PRDM6: variants seen among roughly 807,000 people sequenced by gnomAD.
PRDM6 encodes PR/SET domain 6, also known as putative histone-lysine N-methyltransferase PRDM6.
A neutral mutation model predicts 60.8 loss-of-function variants in PRDM6; 25 were observed. The ratio of observed to expected loss-of-function variants is 0.41; its 90% CI spans 0.30 to 0.57. The LOEUF is 0.57. Ranked by LOEUF, PRDM6 falls within the 20% of genes least tolerant of loss-of-function variation. The pLI, the probability that PRDM6 is intolerant of heterozygous loss-of-function variation, is 0.27. For synonymous variants in PRDM6, 407 were observed against 357.4 expected, an observed-to-expected ratio of 1.14 and a Z score of -1.57; for missense variants, 839 against 821.3, an observed-to-expected ratio of 1.02 and a Z score of -0.26.
intron 5 of PRDM6, among the ~76,000 whole-genome samples, chr5:123,170,278 C>A (rs1216952770): frequency 6.6e-6 from 1 of 152,182 alleles, no homozygotes; most frequent in Non-Finnish European, 1.5e-5. Flanking sequence ...CCCTTCATCT[C>A]TTCAAATAGC....
chr5:123,154,723 A>C (rs1765453232), intron 3 of PRDM6, among the ~76,000 whole-genome samples: 1 of 152,144 alleles, frequency 6.6e-6, no homozygotes, highest in Admixed American at 6.5e-5. Context: ...TTTGAAAAGG[A>C]AAATTGGAAG....
intron 6 of PRDM6, among the ~76,000 whole-genome samples, chr5:123,178,556 A>C (rs530224980): frequency 1.3e-5 from 2 of 152,326 alleles, no homozygotes; most frequent in East Asian, 3.9e-4. Flanking sequence ...AAGATTGATA[A>C]ACTCCTTACC....
chr5:123,118,036 T>C (rs1437984433), intron 3 of PRDM6, among the ~76,000 whole-genome samples: 1 of 152,266 alleles, frequency 6.6e-6, no homozygotes, highest in Middle Eastern at 3.4e-3. Context: ...GAGGGAGACA[T>C]TGGATACCTG....
At chr5:123,117,640 T>C (rs1179980562) in intron 3 of PRDM6, among the ~76,000 whole-genome samples, 1 of 152,232 alleles carries the variant, frequency 6.6e-6, no homozygotes, top group Admixed American at 6.5e-5. Context: ...ACTGATGGAT[T>C]TTCCTCAGAT....
intron 3 of PRDM6, among the ~76,000 whole-genome samples, chr5:123,119,324 G>T (rs1386928063): frequency 6.6e-6 from 1 of 152,188 alleles, no homozygotes; most frequent in Non-Finnish European, 1.5e-5. Flanking sequence ...GAGTGATAAG[G>T]GTTAGGACTT....
In PRDM6 at chr5:123,180,271, G is replaced by A. The variant is rs1362968668; in HGVS notation, c.1621G>A (p.Ala541Thr). Residue 541 changes from alanine (A) to threonine (T), a missense_variant, in exon 7 of 8, where the codon GCC (alanine) becomes ACC (threonine). This residue lies in a region of PRDM6 where 109 missense variants were observed against 172.6 expected (regional missense o/e 0.63). Transcript: ENST00000407847. ...CTACTGTGGTCGTGCCTTTGCCGGG[G>A]CCACCACCCTCAACAACCACATCCG... is the stretch of plus-strand genomic sequence containing the variant. Reference protein sequence around the residue: ...CGYCGRAFAGATTLNNHIRTH... With the variant: ...CGYCGRAFAGTTTLNNHIRTH... The A allele has an allele frequency of 3.9e-6, 6 of 1,551,730 alleles. No individual in the cohort carries two copies. The East Asian group carries it at 7.3e-5, about 19-fold the overall frequency.
At chr5:123,149,167 G>A (rs979749678) in intron 3 of PRDM6, among the ~76,000 whole-genome samples, 4 of 152,136 alleles carry the variant, frequency 2.6e-5, no homozygotes, top group Non-Finnish European at 4.4e-5. Context: ...CTCAAGCCTT[G>A]ATTTAGCTTT....
At position 123,090,180 on chromosome 5, in the gene PRDM6, C is replaced by G; in HGVS notation, c.166C>G (p.Pro56Ala). 6.7e-7 allele frequency: 1 copy of G among 1,486,550 alleles called. No homozygotes were observed. The allele number at this position is 1,486,550 out of a possible 1,614,324, so 92.1% of individuals were successfully genotyped here. The change falls in exon 2 of 8, where the codon CCC becomes GCC. Residue 56 changes from proline (P) to alanine (A), a missense_variant. Transcript: ENST00000407847. ...APQPLQPPPP[P>A]PPPERAEPPP... Reference sequence around the variant, plus strand: ...GCAGCCTCTTCAGCCGCCGCCGCCGCCCCCGCCCCCGGAGCGCGCTGAGCC... The same window carrying G: ...GCAGCCTCTTCAGCCGCCGCCGCCGGCCCCGCCCCCGGAGCGCGCTGAGCC...
chr5:123,150,191 A>AT (rs1022429388), intron 3 of PRDM6, among the ~76,000 whole-genome samples: 6 of 151,102 alleles, frequency 4.0e-5, no homozygotes, highest in South Asian at 2.1e-4. Context: ...TATTAGCACC[A>AT]TTTTTTTTTC....
chr5:123,092,209 C>T (rs1215068254), intron 2 of PRDM6, among the ~76,000 whole-genome samples: 1 of 152,202 alleles, frequency 6.6e-6, no homozygotes, highest in Non-Finnish European at 1.5e-5. Context: ...ATACTTATCT[C>T]CTACTGAATT....
chr5:123,133,470 A>T (rs1338386401), intron 3 of PRDM6, among the ~76,000 whole-genome samples: 2 of 152,096 alleles, frequency 1.3e-5, no homozygotes, highest in East Asian at 3.8e-4. Context: ...GCAAAACACA[A>T]CCTAAATATC....
intron 5 of PRDM6, among the ~76,000 whole-genome samples, chr5:123,162,182 C>T (rs547623448): frequency 6.6e-6 from 1 of 152,240 alleles, no homozygotes; most frequent in African/African-American, 2.4e-5. Flanking sequence ...TTCTTACCCT[C>T]GATCTGGATC....
rs932496763 is a variant in PRDM6 at position 123,099,913 on chromosome 5, A to T, written c.852A>T (p.Pro284=). 1.3e-6 allele frequency: 2 copies of T among 1,546,042 alleles called. 1 individual carries two copies. Among genetic ancestry groups the T allele is most frequent in the East Asian group, 4.9e-5 (2 of 40,778 alleles). The change falls in exon 3 of 8, where the codon CCA becomes CCT. Residue 284 remains proline (P), a synonymous_variant. Transcript: ENST00000407847. This position sits in a 1 kb window ranked among gnomAD's most constrained non-coding sequence, Gnocchi z 4.0. ...IGPFQGVLLP[P]EKVQAGAVRN... is the part of the protein sequence containing the mutation. ...CTTTCCAAGGCGTGCTTCTGCCCCCAGAGAAGGTGCAGGCAGGCGCCGTGA... is the reference window on the plus strand; with the variant it reads ...CTTTCCAAGGCGTGCTTCTGCCCCCTGAGAAGGTGCAGGCAGGCGCCGTGA...
intron 3 of PRDM6, among the ~76,000 whole-genome samples, chr5:123,114,759 G>A (rs1430566307): frequency 6.6e-6 from 1 of 152,188 alleles, no homozygotes. Flanking sequence ...AGAGGAGCAT[G>A]GTGGGAAATA....
At chr5:123,119,187 A>G (rs1764525924) in intron 3 of PRDM6, among the ~76,000 whole-genome samples, 1 of 152,248 alleles carries the variant, frequency 6.6e-6, no homozygotes. Context: ...CAAACAAGAA[A>G]AAAACTAGCC....
chr5:123,132,300 A>G (rs937210655), intron 3 of PRDM6, among the ~76,000 whole-genome samples: 1 of 152,166 alleles, frequency 6.6e-6, no homozygotes, highest in Admixed American at 6.5e-5. Flanking sequence ...AGGCCTTTCA[A>G]AATTAGAATT....
chr5:123,165,951 GT>G (rs1765742481), intron 5 of PRDM6, among the ~76,000 whole-genome samples: 1 of 152,162 alleles, frequency 6.6e-6, no homozygotes, highest in African/African-American at 2.4e-5. Context: ...GTCACATAGA[GT>G]CTCCAGAAAC....
At chr5:123,129,323 A>G (rs1321747868) in intron 3 of PRDM6, among the ~76,000 whole-genome samples, 1 of 152,156 alleles carries the variant, frequency 6.6e-6, no homozygotes, top group Non-Finnish European at 1.5e-5. Flanking sequence ...CCTGATGGGG[A>G]TAGCATTGAA....
At chr5:123,151,785 G>C (rs1765374644) in intron 3 of PRDM6, among the ~76,000 whole-genome samples, 1 of 152,012 alleles carries the variant, frequency 6.6e-6, no homozygotes. Context: ...GCTCACCTTG[G>C]GCCCCTAGAG....
Sources: gnomAD v4.1 joint callset for allele counts (sites outside exome capture counted in the v4.1 genomes callset) on GRCh38, gnomAD v4.1.1 for gene constraint, gnomAD v4.1.1 regional missense constraint, Gnocchi (gnomAD v3.1) non-coding constraint, MANE v1.5 for transcripts, NCBI Gene and HGNC (gene_info 2026-07-23, HGNC 2026-07-21) for gene names.